Variants in USP54 observed in about 807,000 individuals in gnomAD.
The protein encoded by USP54 is ubiquitin specific peptidase 54.
In USP54, 87 loss-of-function variants were observed where a neutral mutation model predicts 170.5. The observed-to-expected ratio is 0.51, with a 90% confidence interval of 0.43 to 0.61. The LOEUF (loss-of-function observed/expected upper bound fraction) is 0.61, where lower values mean the gene tolerates loss of function less well. Ranked by LOEUF, USP54 falls within the 20% of genes least tolerant of loss-of-function variation. The pLI, the probability that USP54 is intolerant of heterozygous loss-of-function variation, is 0.00. For missense variants in USP54, 1,786 were observed against 2,047.8 expected (o/e 0.87, Z 2.47); for synonymous variants, 655 against 742.8 (o/e 0.88, Z 1.92).
chr10:73,577,848 A>C (rs923324351), intron 1 of USP54, among the ~76,000 whole-genome samples: 1 of 152,182 alleles, frequency 6.6e-6, no homozygotes, highest in South Asian at 2.1e-4. Flanking sequence ...CACACAGACT[A>C]TAAGACCCTC....
At chr10:73,566,710 G>A (rs555482797) in intron 4 of USP54, among the ~76,000 whole-genome samples, 4 of 151,668 alleles carry the variant, frequency 2.6e-5, no homozygotes, top group Middle Eastern at 3.4e-3. Context: ...CAGCCTGGGC[G>A]ACACAGTGAG....
intron 20 of USP54, among the ~76,000 whole-genome samples, chr10:73,512,536 C>T (rs553388610): frequency 1.1e-4 from 16 of 151,694 alleles, no homozygotes; most frequent in Non-Finnish European, 2.1e-4. Context: ...GAGATAGGGT[C>T]TCACTGTGTT....
intron 21 of USP54, 92 bp from the exon 22 acceptor site, chr10:73,505,082 G>A (rs1178622319): frequency 6.4e-7 from 1 of 1,564,116 alleles, no homozygotes; most frequent in East Asian, 2.3e-5. Context: ...GAAAGAGTAG[G>A]GGAAGACTCA....
At chr10:73,544,925 G>A (rs549478778) in intron 5 of USP54, among the ~76,000 whole-genome samples, 1 of 151,996 alleles carries the variant, frequency 6.6e-6, no homozygotes, top group East Asian at 1.9e-4. Context: ...CGTTGGCCAG[G>A]CTAGTCTTGA....
At chr10:73,588,825 G>A (rs924465800) in intron 1 of USP54, among the ~76,000 whole-genome samples, 5 of 152,034 alleles carry the variant, frequency 3.3e-5, no homozygotes, top group Non-Finnish European at 5.9e-5. Flanking sequence ...CTCAATCAAC[G>A]AATGCTCCTC....
At chr10:73,559,740 A>T (rs1277319258) in intron 4 of USP54, among the ~76,000 whole-genome samples, 1 of 149,698 alleles carries the variant, frequency 6.7e-6, no homozygotes, top group African/African-American at 2.5e-5. Context: ...AAAAAAAAAA[A>T]AGTATTTTAC....
Position 73,571,514 on chromosome 10 carries a change from C to T in USP54, c.148-1G>A, listed in dbSNP as rs759261676. The T allele has an allele frequency of 6.2e-7, 1 of 1,612,760 alleles. No homozygotes were observed. Among genetic ancestry groups the T allele is most frequent in the South Asian group, 1.1e-5 (1 of 90,864 alleles). On this transcript the variant is annotated splice_acceptor_variant, in intron 3 of 23. Coordinates refer to ENST00000687698, the MANE Select transcript of USP54 (RefSeq NM_001391956.1). LOFTEE classifies it high-confidence loss of function. ...GGAAGATATCCAAGTGCCACAAAAC[C>T]TGATGAGAAAAGGAAAATATTTCAT... is the stretch of plus-strand genomic sequence containing the variant.
At position 73,498,929 on chromosome 10, in the gene USP54, CTG is replaced by C. The variant is rs1454304708; in HGVS notation, c.4753_4754del (p.Gln1585ValfsTer4). 6.2e-7 allele frequency: 1 copy of C among 1,614,066 alleles called. No individual in the cohort carries two copies. Among genetic ancestry groups the C allele is most frequent in the East Asian group, 2.2e-5 (1 of 44,896 alleles). ...RSKGLQVPHT[Q>X]SWSDLFHSPS... is the part of the protein sequence containing the mutation. Reference sequence around the variant, plus strand: ...GTGAATGGAAAAGATCACTCCAGGACTGAGTGTGAGGAACCTGAAGGCCCTTG... The same window carrying C: ...GTGAATGGAAAAGATCACTCCAGGACAGTGTGAGGAACCTGAAGGCCCTTG... On this transcript the variant is annotated frameshift_variant, in exon 24 of 24. Coordinates refer to ENST00000687698, the MANE Select transcript of USP54 (RefSeq NM_001391956.1). LOFTEE classifies it high-confidence loss of function.
intron 1 of USP54, among the ~76,000 whole-genome samples, chr10:73,590,580 T>C (rs1420014415): frequency 3.9e-5 from 6 of 152,156 alleles, no homozygotes; most frequent in African/African-American, 1.4e-4. Flanking sequence ...GAAAGTGATA[T>C]TTGACTCAAT....
At chr10:73,500,443 G>A (rs1339449489) in intron 23 of USP54, among the ~76,000 whole-genome samples, 1 of 152,222 alleles carries the variant, frequency 6.6e-6, no homozygotes, top group Non-Finnish European at 1.5e-5. Flanking sequence ...CTCTAGGGGT[G>A]CTGGTCTAAA....
At chr10:73,517,878 C>A (rs1167107800) in intron 19 of USP54, 131 bp from the exon 20 acceptor site, 2 of 1,206,126 alleles carry the variant, frequency 1.7e-6, no homozygotes, top group Non-Finnish European at 2.3e-6. Context: ...GAAAGACAAG[C>A]ACAAGTAGAG....
At chr10:73,543,968 ACT>A (rs1217623411) in intron 5 of USP54, among the ~76,000 whole-genome samples, 1 of 148,240 alleles carries the variant, frequency 6.7e-6, no homozygotes, top group Non-Finnish European at 1.5e-5. Flanking sequence ...TTTGAGACAC[ACT>A]CTGTCTCTGT....
rs2080416523 is a variant in USP54, at chr10:73,614,220, A to G, written c.-18+11347T>C. Among the ~76,000 whole-genome samples the G allele has an allele frequency of 1.3e-5, 2 of 150,002 alleles. 1 individual carries two copies. The highest frequency in any genetic ancestry group is 5.1e-5 in the African/African-American group (2 of 39,474). On this transcript the variant is annotated intron_variant, in intron 1 of 22. Transcript: ENST00000339859. ...AAAACAAACAAAAAAACTGTATGGT[A>G]CTGGCCCAAGAATAAACAACTGAAA...
chr10:73,518,121 C>A, intron 19 of USP54: 1 of 952,812 alleles, frequency 1.0e-6, no homozygotes, highest in Non-Finnish European at 1.2e-6. Flanking sequence ...GGAAGGTAAG[C>A]AAAGCCTGAA....
intron 1 of USP54, chr10:73,606,336 T>A (rs1162884611): frequency 6.6e-6 from 1 of 151,852 alleles, no homozygotes; most frequent in Non-Finnish European, 1.5e-5. Context: ...AGAGAACTAA[T>A]CAAAACACAA....
At chr10:73,520,154 C>T in intron 18 of USP54, 162 bp from the exon 19 acceptor site, 1 of 975,176 alleles carries the variant, frequency 1.0e-6, no homozygotes, top group Non-Finnish European at 1.5e-6. Context: ...GGGCACACAG[C>T]TGCCTCTGGC....
At chr10:73,519,525 G>T in intron 19 of USP54, 1 of 447,372 alleles carries the variant, frequency 2.2e-6, no homozygotes, top group Non-Finnish European at 4.1e-6. Flanking sequence ...TAATAATCGC[G>T]TTATTACACA....
In USP54 at chr10:73,517,218, T is replaced by C. The variant is rs1387126048; in HGVS notation, c.3208A>G (p.Arg1070Gly). The C allele has an allele frequency of 1.2e-6, 2 of 1,614,212 alleles. No homozygotes were observed. The highest frequency in any genetic ancestry group is 3.3e-5 in the Admixed American group (2 of 60,026). ...SSAQPSLPLY[R>G]TCHPIMPVAS... The stretch of plus-strand genomic sequence containing the variant: ...ACAGGCATTATGGGGTGGCAGGTTC[T>C]ATACAGGGGAAGGCTGGGCTGAGCT... Residue 1070 changes from arginine (R) to glycine (G), a missense_variant, in exon 20 of 24, where the codon AGA (arginine) becomes GGA (glycine). Arg to Gly is a moderately radical substitution (Grantham distance 125, BLOSUM62 -2). Transcript: ENST00000687698.
intron 4 of USP54, among the ~76,000 whole-genome samples, chr10:73,564,328 C>T (rs909927638): frequency 4.6e-5 from 7 of 152,254 alleles, no homozygotes; most frequent in East Asian, 1.9e-4. Context: ...ACTTTTGGTA[C>T]GGTATGAAAT....
Sources: allele counts gnomAD v4.1 joint callset (sites outside exome capture counted in the v4.1 genomes callset), GRCh38; gene constraint gnomAD v4.1.1; transcripts MANE v1.5; gene names NCBI Gene and HGNC (gene_info 2026-07-23, HGNC 2026-07-21).